Variants in ABLIM2 observed in about 807,000 individuals in gnomAD.
The protein encoded by ABLIM2 is actin binding LIM protein family member 2, also known as actin-binding LIM protein 2.
In ABLIM2, 53 loss-of-function variants were observed where a neutral mutation model predicts 97.7. The observed-to-expected ratio is 0.54, with a 90% CI of 0.44 to 0.68. The LOEUF (loss-of-function observed/expected upper bound fraction) is 0.68, where lower values mean the gene tolerates loss of function less well. Among genes scored for constraint, ABLIM2 ranks in the 30% least tolerant of loss-of-function variants. The probability of loss-of-function intolerance (pLI) is 0.00; values close to 1 mark genes in which losing one functional copy is unlikely to be tolerated. For missense variants in ABLIM2, 835 were observed against 867.2 expected (o/e 0.96, Z 0.47); for synonymous variants, 361 against 345.8 (o/e 1.04, Z -0.49).
In ABLIM2 at chr4:7,970,712, G is replaced by A. The variant is rs541363521; in HGVS notation, c.1825-3609C>T. On this transcript the variant is annotated intron_variant, in intron 20 of 20. Transcript: ENST00000447017. The surrounding 1 kb of genome is among the most constrained non-coding windows in gnomAD (Gnocchi z 5.3). ...GGGGCGGTGGAGGGAGCATCTGGGT[G>A]GCTTCTGAAGTTGCTGGGAATGGTT... is the stretch of plus-strand genomic sequence containing the variant. Among the ~76,000 whole-genome samples the A allele has an allele frequency of 2.2e-4, 33 of 152,100 alleles. No homozygotes were observed. Among genetic ancestry groups the A allele is most frequent in the Middle Eastern group, 6.8e-3 (2 of 294 alleles).
At chr4:8,103,066 A>G (rs1835466199) in intron 2 of ABLIM2, among the ~76,000 whole-genome samples, 1 of 152,182 alleles carries the variant, frequency 6.6e-6, no homozygotes, top group African/African-American at 2.4e-5. Flanking sequence ...CCATGAGGAG[A>G]GGCACTGCTG....
intron 14 of ABLIM2, chr4:8,010,287 G>C (rs1278352314): frequency 7.1e-6 from 6 of 847,534 alleles, no homozygotes; most frequent in Non-Finnish European, 8.5e-6. Context: ...ATCCAACTTA[G>C]TAGGTAAACA....
At chr4:8,118,939 G>A (rs4696763) in intron 1 of ABLIM2, among the ~76,000 whole-genome samples, 91,978 of 152,060 alleles carry the variant, frequency 0.6, 28,202 homozygotes, top group Middle Eastern at 0.77. Context: ...TTTTACAGAC[G>A]CAAAAGCTCA....
intron 18 of ABLIM2, 69 bp downstream of exon 18, chr4:7,984,770 C>G: frequency 9.5e-6 from 14 of 1,477,962 alleles, no homozygotes; most frequent in Non-Finnish European, 1.2e-5. Flanking sequence ...GGTTTCAGAA[C>G]AAGTCTTGTG....
intron 4 of ABLIM2, among the ~76,000 whole-genome samples, chr4:8,084,508 A>G (rs1424029660): frequency 1.3e-5 from 2 of 152,206 alleles, no homozygotes; most frequent in Non-Finnish European, 2.9e-5. Flanking sequence ...TCCACGTGCC[A>G]CAGCCCAGGT....
intron 1 of ABLIM2, among the ~76,000 whole-genome samples, chr4:8,134,502 G>A (rs1849908754): frequency 6.6e-6 from 1 of 152,194 alleles, no homozygotes. Flanking sequence ...AAAACCAATA[G>A]CGATCCATCT....
rs1021879867 is a variant in ABLIM2, at chr4:7,998,225, G to A, written c.1619-5298C>T. Reference sequence around the variant, plus strand: ...TTCATTCAAATCATTGATCTTCGGTGTTCTTGGTGTGACGGGTAATTTTTC... The same window carrying A: ...TTCATTCAAATCATTGATCTTCGGTATTCTTGGTGTGACGGGTAATTTTTC... On this transcript the variant is annotated intron_variant, in intron 16 of 20. Transcript: ENST00000447017. The surrounding 1 kb of genome is among the most constrained non-coding windows in gnomAD (Gnocchi z 6.4). Among the ~76,000 whole-genome samples, 1 of 152,008 alleles carries A rather than the reference G, an allele frequency of 6.6e-6. No homozygotes were observed. Among genetic ancestry groups the A allele is most frequent in the African/African-American group, 2.4e-5 (1 of 41,380 alleles).
chr4:8,040,897 C>A (rs1410982113), intron 9 of ABLIM2, among the ~76,000 whole-genome samples: 1 of 152,198 alleles, frequency 6.6e-6, no homozygotes, highest in Non-Finnish European at 1.5e-5. Context: ...TACTTAGAGG[C>A]TGCAAAGTCA....
intron 2 of ABLIM2, among the ~76,000 whole-genome samples, chr4:8,100,649 G>A (rs1435075098): frequency 1.3e-5 from 2 of 151,708 alleles, no homozygotes; most frequent in Non-Finnish European, 2.9e-5. Context: ...GGGAGGCTGC[G>A]GCAGGAGAAT....
Position 7,998,137 on chromosome 4 carries a change from C to T in ABLIM2, c.1619-5210G>A, listed in dbSNP as rs745445943. 6.6e-6 allele frequency among the ~76,000 whole-genome samples: 1 copy of T among 152,064 alleles called. No individual in the cohort carries two copies. ...CTCAGGTGATCTGATCCGTCCTCCT[C>T]GGCCTCCCAAAGTGCTGGGATTACA... On this transcript the variant is annotated intron_variant, in intron 16 of 20. Coordinates refer to ENST00000447017, the MANE Select transcript of ABLIM2 (RefSeq NM_001130083.2). This position sits in a 1 kb window ranked among gnomAD's most constrained non-coding sequence, Gnocchi z 6.4.
intron 8 of ABLIM2, among the ~76,000 whole-genome samples, chr4:8,052,554 C>T (rs1233007693): frequency 6.6e-6 from 1 of 152,228 alleles, no homozygotes; most frequent in Non-Finnish European, 1.5e-5. Flanking sequence ...GCAGACTTCC[C>T]CTGGGACCCC....
chr4:8,143,260 G>A (rs183517179), intron 1 of ABLIM2, among the ~76,000 whole-genome samples: 2 of 151,796 alleles, frequency 1.3e-5, no homozygotes, highest in Non-Finnish European at 2.9e-5. Context: ...TACTGTCAGC[G>A]GTCTCCACCC....
chr4:8,033,362 G>A lies in ABLIM2; in HGVS notation c.1047+2787C>T, dbSNP rs112066917. Among the ~76,000 whole-genome samples, 30 of 152,286 alleles carry A rather than the reference G, an allele frequency of 2.0e-4. No homozygotes were observed. Among genetic ancestry groups the A allele is most frequent in the Admixed American group, 8.5e-4 (13 of 15,304 alleles). On this transcript the variant is annotated intron_variant, in intron 10 of 20. Coordinates refer to ENST00000447017, the MANE Select transcript of ABLIM2 (RefSeq NM_001130083.2). The surrounding 1 kb of genome is among the most constrained non-coding windows in gnomAD (Gnocchi z 4.5). ...GGTTATTACAGCGCAATAACTCGACGGCCTCTGGGAGGCTGCCACGGGCCC... is the reference window on the plus strand; with the variant it reads ...GGTTATTACAGCGCAATAACTCGACAGCCTCTGGGAGGCTGCCACGGGCCC...
intron 20 of ABLIM2, among the ~76,000 whole-genome samples, chr4:7,968,383 G>T (rs1306215851): frequency 6.6e-6 from 1 of 152,260 alleles, no homozygotes; most frequent in African/African-American, 2.4e-5. Context: ...GGTCGCCCAT[G>T]TTCCTAGCAG....
At chr4:7,977,251 C>T (rs915416342) in intron 20 of ABLIM2, among the ~76,000 whole-genome samples, 6 of 152,214 alleles carry the variant, frequency 3.9e-5, no homozygotes. Context: ...TTGTAAGTTT[C>T]CAGAGGCCTC....
At position 7,966,771 on chromosome 4, in the gene ABLIM2, C is replaced by T. The variant is rs921999060; in HGVS notation, c.*219G>A. On this transcript the variant is annotated 3_prime_UTR_variant, in exon 21 of 21. Transcript: ENST00000447017. The stretch of plus-strand genomic sequence containing the variant: ...GCCTCTCCCTGACACCAAGCCACAG[C>T]GGGGAAGGGTGGCGTGAAGCTAGCC... 8 of 555,326 alleles carry T rather than the reference C, an allele frequency of 1.4e-5. No individual in the cohort carries two copies. The highest frequency in any genetic ancestry group is 8.7e-5 in the East Asian group (3 of 34,592). The allele number at this position is 555,326 out of a possible 1,614,324, so 34.4% of individuals were successfully genotyped here. A position where few individuals can be genotyped will look rare whatever the true frequency, so the allele number is the denominator to read the frequency against.
intron 6 of ABLIM2, among the ~76,000 whole-genome samples, chr4:8,070,953 C>A (rs1412394825): frequency 6.6e-6 from 1 of 152,110 alleles, no homozygotes; most frequent in Non-Finnish European, 1.5e-5. Flanking sequence ...GAGGGTGGGG[C>A]TGGAAACAGG....
rs765280181 is a variant in ABLIM2, at chr4:8,068,489, G to T, written c.676-7435C>A. Among the ~76,000 whole-genome samples, 1 of 152,166 alleles carries T rather than the reference G, an allele frequency of 6.6e-6. No homozygotes were observed. The highest frequency in any genetic ancestry group is 2.4e-5 in the African/African-American group (1 of 41,452). On this transcript the variant is annotated intron_variant, in intron 6 of 20. Coordinates refer to ENST00000447017, the MANE Select transcript of ABLIM2 (RefSeq NM_001130083.2). This position sits in a 1 kb window ranked among gnomAD's most constrained non-coding sequence, Gnocchi z 4.5. ...GACAGAGGTGTGGCAAAGCTGTCCC[G>T]CCTCCAGAAACCCCTCCTGTCCCAG...
At chr4:8,105,494 C>G (rs1010935292) in intron 2 of ABLIM2, among the ~76,000 whole-genome samples, 1 of 152,182 alleles carries the variant, frequency 6.6e-6, no homozygotes, top group African/African-American at 2.4e-5. Flanking sequence ...GGATGGGGGC[C>G]GTGCAACGCC....
Sources: gnomAD v4.1 joint callset for allele counts (sites outside exome capture counted in the v4.1 genomes callset) on GRCh38, gnomAD v4.1.1 for gene constraint, Gnocchi (gnomAD v3.1) non-coding constraint, MANE v1.5 for transcripts, NCBI Gene and HGNC (gene_info 2026-07-23, HGNC 2026-07-21) for gene names.